The following HNRNPL variants were observed in gnomAD, a reference collection of about 807,000 sequenced individuals.
The protein encoded by HNRNPL is heterogeneous nuclear ribonucleoprotein L.
HNRNPL carries 12 observed loss-of-function variants against 64.0 expected under a neutral mutation model. The ratio of observed to expected loss-of-function variants is 0.19; its 90% CI spans 0.12 to 0.30. The LOEUF (loss-of-function observed/expected upper bound fraction) is 0.30. Among genes scored for constraint, HNRNPL ranks in the 10% least tolerant of loss-of-function variants. The pLI is 1.00. For missense variants in HNRNPL, 484 were observed against 797.4 expected (o/e 0.61, Z 4.73); for synonymous variants, 385 against 313.0 (o/e 1.23, Z -2.43).
chr19:38,852,118 G>A (rs995313300), upstream of HNRNPL, among the ~76,000 whole-genome samples: 36 of 142,070 alleles, frequency 2.5e-4, no homozygotes, highest in African/African-American at 9.3e-4. Context: ...ACGGCGGAAC[G>A]GTCTCCCCGG....
intron 6 of HNRNPL, chr19:38,841,702 A>G: frequency 4.2e-6 from 5 of 1,187,380 alleles, no homozygotes; most frequent in Non-Finnish European, 5.6e-6. Context: ...ATGGTTTTAC[A>G]GTCATAAATA....
chr19:38,838,168 G>A (rs1971992099), intron 10 of HNRNPL, among the ~76,000 whole-genome samples: 1 of 152,220 alleles, frequency 6.6e-6, no homozygotes, highest in African/African-American at 2.4e-5. Context: ...AATGTAAAAG[G>A]AAGGAACGCG....
Position 38,840,201 on chromosome 19 carries a change from GCCATACTC to G in HNRNPL, c.1120_1127del (p.Glu374ProfsTer17). On this transcript the variant is annotated frameshift_variant, in exon 8 of 13. Transcript: ENST00000221419. LOFTEE classifies it high-confidence loss of function. ...TGAGCACAGGGCTGTCGGCGTGAGGGCCATACTCGGGTGGTGGGGGAGGGGGTGGGGGG... is the reference window on the plus strand; with the variant it reads ...TGAGCACAGGGCTGTCGGCGTGAGGGGGGTGGTGGGGGAGGGGGTGGGGGG... The G allele has an allele frequency of 2.1e-6, 1 of 473,248 alleles. No individual in the cohort carries two copies. Among genetic ancestry groups the G allele is most frequent in the Non-Finnish European group, 3.9e-6 (1 of 257,840 alleles). The allele number at this position is 473,248 out of a possible 1,614,324, so 29.3% of individuals were successfully genotyped here.
chr19:38,837,666 A>C lies in HNRNPL; in HGVS notation c.1558-15T>G. ...TCATCGCAGATCTGCAAAAGAAAAC[A>C]GGTAGTAAATGAACTCTGAAACAAA... On this transcript the variant is annotated splice_polypyrimidine_tract_variant and intron_variant, in intron 10 of 12. Transcript: ENST00000221419. 1 of 1,613,554 alleles carries C rather than the reference A, an allele frequency of 6.2e-7. No homozygotes were observed. The highest frequency in any genetic ancestry group is 8.5e-7 in the Non-Finnish European group (1 of 1,179,492).
chr19:38,838,898 C>T lies in HNRNPL; in HGVS notation c.1351G>A (p.Val451Ile). 6.2e-7 allele frequency: 1 copy of T among 1,614,176 alleles called. No individual in the cohort carries two copies. The highest frequency in any genetic ancestry group is 8.5e-7 in the Non-Finnish European group (1 of 1,180,038). Residue 451 changes from valine to isoleucine, a missense_variant, in exon 9 of 13, where the codon GTC (valine) becomes ATC (isoleucine). Around this residue, in one of 9 missense-constraint regions of HNRNPL, gnomAD observed 53 missense variants for 131.3 expected, o/e 0.40. Transcript: ENST00000221419. ...NNFMFGQKLN[V>I]CVSKQPAIMP... ...CTCCCGAGCCTGAGCACCTACCAGA[C>T]ATTCAGCTTCTGCCCAAACATGAAG...
At chr19:38,838,619 G>A (rs1050696708) in intron 9 of HNRNPL, 21 bp from the exon 10 acceptor site, 3 of 1,608,554 alleles carry the variant, frequency 1.9e-6, no homozygotes, top group East Asian at 2.2e-5. Context: ...GAAGAAAGGG[G>A]AGCCTTTGTC....
In HNRNPL at chr19:38,846,637, A is replaced by G. The variant is rs1427932680; in HGVS notation, c.387-547T>C. Among the ~76,000 whole-genome samples, 3 of 152,124 alleles carry G rather than the reference A, an allele frequency of 2.0e-5. No individual in the cohort carries two copies. In the East Asian group the frequency reaches 5.8e-4, roughly 29 times the overall value. On this transcript the variant is annotated intron_variant, in intron 2 of 12. Coordinates refer to ENST00000221419, the MANE Select transcript of HNRNPL (RefSeq NM_001533.3). ...ACAATATAAAAATTAGGCCGGGCGC[A>G]GTGGCTCACGCCTGTAATCCTAGCA...
At chr19:38,848,333 T>C (rs1296319740) in intron 1 of HNRNPL, among the ~76,000 whole-genome samples, 1 of 152,194 alleles carries the variant, frequency 6.6e-6, no homozygotes, top group Non-Finnish European at 1.5e-5. Flanking sequence ...CCTCAGGTAA[T>C]CTGCCTGCCT....
chr19:38,846,138 G>A (rs1972286231), intron 2 of HNRNPL, 48 bp from the exon 3 acceptor site: 1 of 1,365,344 alleles, frequency 7.3e-7, no homozygotes, highest in South Asian at 1.2e-5. Context: ...AATGTAGACA[G>A]GAGGAGGGTA....
At chr19:38,837,672 T>C in intron 10 of HNRNPL, 21 bp from the exon 11 acceptor site, 1 of 1,612,216 alleles carries the variant, frequency 6.2e-7, no homozygotes, top group Non-Finnish European at 8.5e-7. Context: ...AAACAGGTAG[T>C]AAATGAACTC....
At chr19:38,843,198 G>A (rs1374259507) in intron 6 of HNRNPL, among the ~76,000 whole-genome samples, 6 of 152,042 alleles carry the variant, frequency 3.9e-5, no homozygotes, top group Non-Finnish European at 8.8e-5. Context: ...GGGGGCTGCC[G>A]CTGTTTCTCA....
chr19:38,851,851 C>G (rs1330554770), upstream of HNRNPL, among the ~76,000 whole-genome samples: 1 of 152,044 alleles, frequency 6.6e-6, no homozygotes, highest in Non-Finnish European at 1.5e-5. Flanking sequence ...GGGGGCCTTG[C>G]TGGGGACCTC....
In HNRNPL at chr19:38,845,639, G is replaced by A. The variant is rs773135653; in HGVS notation, c.710+11C>T. Reference sequence around the variant, plus strand: ...TACCCTAAGGAACACCTGTTTTCCAGCAAAGGATATTCCACCATCGCCTGA... The same window carrying A: ...TACCCTAAGGAACACCTGTTTTCCAACAAAGGATATTCCACCATCGCCTGA... On this transcript the variant is annotated intron_variant, in intron 4 of 12. Transcript: ENST00000221419. 10 of 1,606,350 alleles carry A rather than the reference G, an allele frequency of 6.2e-6. No individual in the cohort carries two copies. In the South Asian group the frequency reaches 9.9e-5, roughly 16 times the overall value.
intron 1 of HNRNPL, among the ~76,000 whole-genome samples, chr19:38,848,727 C>T (rs962833482): frequency 1.3e-5 from 2 of 152,240 alleles, no homozygotes; most frequent in Non-Finnish European, 2.9e-5. Context: ...CAGTAATTCA[C>T]CTCATCTCAT....
At chr19:38,844,192 C>T in intron 4 of HNRNPL, 88 bp from the exon 5 acceptor site, 1 of 811,450 alleles carries the variant, frequency 1.2e-6, no homozygotes, top group Non-Finnish European at 2.1e-6. Flanking sequence ...CAAGGTAGCA[C>T]CCCAAGACTG....
intron 8 of HNRNPL, chr19:38,839,313 TAC>T (rs1235002527): frequency 5.3e-6 from 2 of 380,304 alleles, no homozygotes; most frequent in Non-Finnish European, 1.0e-5. Context: ...TTTTGTCTGT[TAC>T]ACACAGACGT....
Position 38,845,834 on chromosome 19 carries a change from A to T in HNRNPL, c.624+19T>A, listed in dbSNP as rs1395217874. The T allele has an allele frequency of 1.2e-6, 2 of 1,608,652 alleles. No homozygotes were observed. The highest frequency in any genetic ancestry group is 1.7e-6 in the Non-Finnish European group (2 of 1,175,030). ...GAAAAGGAAGGGAGACCTCACAAGA[A>T]ATGCCTGCTGGCACGTACCGTGGTG... is the stretch of plus-strand genomic sequence containing the variant. On this transcript the variant is annotated intron_variant, in intron 3 of 12. Coordinates refer to ENST00000221419, the MANE Select transcript of HNRNPL (RefSeq NM_001533.3).
Position 38,836,711 on chromosome 19 carries a change from T to C in HNRNPL, c.*11A>G. The C allele has an allele frequency of 6.3e-7, 1 of 1,597,544 alleles. No individual in the cohort carries two copies. Among genetic ancestry groups the C allele is most frequent in the African/African-American group, 1.3e-5 (1 of 74,414 alleles). The stretch of plus-strand genomic sequence containing the variant: ...CTTCCTGCTCAGATGGGACTCTTCC[T>C]AGGCACCTAATTAGGAGGCGTGCTG... On this transcript the variant is annotated 3_prime_UTR_variant, in exon 13 of 13. Transcript: ENST00000221419.
intron 8 of HNRNPL, 84 bp from the exon 9 acceptor site, chr19:38,839,099 C>A (rs1047063547): frequency 3.4e-5 from 52 of 1,550,144 alleles, no homozygotes; most frequent in Non-Finnish European, 4.5e-5. Flanking sequence ...TGATAATAAC[C>A]CCTGCTCTGG....
Sources: allele counts gnomAD v4.1 joint callset (sites outside exome capture counted in the v4.1 genomes callset), GRCh38; gene constraint gnomAD v4.1.1; regional missense constraint gnomAD v4.1.1; transcripts MANE v1.5; gene names NCBI Gene and HGNC (gene_info 2026-07-23, HGNC 2026-07-21).